Variants in SLMAP observed in about 807,000 individuals in gnomAD.
The protein encoded by SLMAP is sarcolemmal membrane-associated protein.
SLMAP carries 44 observed loss-of-function variants against 128.8 expected under a neutral mutation model. That is an observed-to-expected ratio of 0.34 (90% CI 0.27 to 0.44). The LOEUF is 0.44. SLMAP is among the 20% of genes least tolerant of loss of function. The probability of loss-of-function intolerance (pLI) is 1.00; values close to 1 mark genes in which losing one functional copy is unlikely to be tolerated. For synonymous variants in SLMAP, 327 were observed against 348.8 expected (o/e 0.94, Z 0.70); for missense variants, 787 against 985.3 (o/e 0.80, Z 2.69).
chr3:57,756,495 G>A (rs2077722967), intron 1 of SLMAP, 53 bp from the exon 2 acceptor site: 1 of 152,788 alleles, frequency 6.5e-6, no homozygotes, highest in Admixed American at 6.5e-5. Context: ...GACGGCTGAG[G>A]CGGGCGGGCT....
intron 10 of SLMAP, among the ~76,000 whole-genome samples, 160 bp from the exon 11 acceptor site, chr3:57,864,388 A>G (rs983061983): frequency 6.6e-6 from 1 of 152,108 alleles, no homozygotes; most frequent in Non-Finnish European, 1.5e-5. Flanking sequence ...AAAAAAAAAG[A>G]AAGAAAGAAA....
At chr3:57,894,500 C>T (rs1187461387) in intron 15 of SLMAP, among the ~76,000 whole-genome samples, 2 of 152,084 alleles carry the variant, frequency 1.3e-5, no homozygotes, top group Non-Finnish European at 2.9e-5. Flanking sequence ...AGTGGGCATG[C>T]ATGTACAAAC....
intron 15 of SLMAP, 87 bp from the exon 16 acceptor site, chr3:57,896,424 A>T: frequency 6.9e-7 from 1 of 1,452,888 alleles, no homozygotes; most frequent in South Asian, 1.5e-5. Flanking sequence ...GTACCTGTAG[A>T]TTTTGAGCAT....
intron 5 of SLMAP, among the ~76,000 whole-genome samples, chr3:57,849,427 A>G (rs1011962940): frequency 6.6e-6 from 1 of 152,164 alleles, no homozygotes; most frequent in Non-Finnish European, 1.5e-5. Context: ...TGCCCTACCT[A>G]TACCACATAA....
intron 14 of SLMAP, among the ~76,000 whole-genome samples, chr3:57,887,011 A>C (rs187321196): frequency 1.3e-4 from 20 of 152,192 alleles, no homozygotes. Context: ...AACATAGTGA[A>C]TATACTAAAT....
chr3:57,857,673 C>A, intron 6 of SLMAP, 60 bp from the exon 7 acceptor site: 1 of 1,071,332 alleles, frequency 9.3e-7, no homozygotes, highest in South Asian at 1.3e-5. Context: ...GAAAATTGAT[C>A]ACTCCTCAAA....
chr3:57,897,716 A>C (rs2096274993), intron 17 of SLMAP: 1 of 152,164 alleles, frequency 6.6e-6, no homozygotes, highest in South Asian at 2.1e-4. Context: ...GAAAAAAAGA[A>C]AGAAATTTTA....
At chr3:57,825,341 TTTACTA>T (rs1314859226) in intron 2 of SLMAP, among the ~76,000 whole-genome samples, 5 of 152,246 alleles carry the variant, frequency 3.3e-5, no homozygotes, top group African/African-American at 1.2e-4. Context: ...CTTTCAGTCT[TTTACTA>T]TTGAGTATTA....
At chr3:57,912,350 G>T in intron 19 of SLMAP, 31 bp from the exon 20 acceptor site, 1 of 1,577,706 alleles carries the variant, frequency 6.3e-7, no homozygotes, top group South Asian at 1.1e-5. Flanking sequence ...TATTCTAATG[G>T]GCCAAGAAAA....
chr3:57,800,916 C>T (rs2088145572), intron 2 of SLMAP: 1 of 222,540 alleles, frequency 4.5e-6, no homozygotes, highest in South Asian at 8.4e-5. Context: ...TCCCAGGAGA[C>T]CTGAGCTCTG....
At chr3:57,919,822 A>G (rs930332076) in intron 22 of SLMAP, among the ~76,000 whole-genome samples, 1 of 151,950 alleles carries the variant, frequency 6.6e-6, no homozygotes, top group Non-Finnish European at 1.5e-5. Context: ...TTCCTAAAAC[A>G]TTGAGCACAC....
intron 24 of SLMAP, chr3:57,926,237 G>A (rs1395224733): frequency 1.6e-5 from 5 of 308,800 alleles, no homozygotes. Flanking sequence ...ATGAATTTCT[G>A]CAATATTAGT....
intron 2 of SLMAP, among the ~76,000 whole-genome samples, chr3:57,811,780 A>G (rs1181203581): frequency 6.6e-6 from 1 of 152,074 alleles, no homozygotes; most frequent in Non-Finnish European, 1.5e-5. Context: ...AGCTATCCTA[A>G]TGGGTGTGAA....
At chr3:57,827,334 T>C (rs1014774971) in intron 2 of SLMAP, among the ~76,000 whole-genome samples, 2 of 152,240 alleles carry the variant, frequency 1.3e-5, no homozygotes, top group Non-Finnish European at 2.9e-5. Context: ...AAAATGTATG[T>C]ATTTATGGAA....
intron 5 of SLMAP, among the ~76,000 whole-genome samples, chr3:57,848,251 TCTC>T (rs1165395635): frequency 3.9e-4 from 58 of 149,688 alleles, no homozygotes; most frequent in African/African-American, 1.0e-3. Context: ...TTCTCCTTCT[TCTC>T]CTCCTCCTCC....
intron 17 of SLMAP, among the ~76,000 whole-genome samples, chr3:57,904,287 A>G (rs915768880): frequency 6.6e-6 from 1 of 152,170 alleles, no homozygotes; most frequent in Admixed American, 6.5e-5. Flanking sequence ...AGCCAGGCAC[A>G]GAGGTACATG....
At chr3:57,821,887 A>G (rs973652106) in intron 2 of SLMAP, among the ~76,000 whole-genome samples, 4 of 151,408 alleles carry the variant, frequency 2.6e-5, no homozygotes, top group Admixed American at 1.3e-4. Context: ...GGCCTTAGCT[A>G]TATATAAATT....
intron 15 of SLMAP, among the ~76,000 whole-genome samples, chr3:57,895,459 C>T (rs1349141321): frequency 2.0e-5 from 3 of 151,988 alleles, no homozygotes; most frequent in Non-Finnish European, 4.4e-5. Context: ...CTCAGCCTCC[C>T]GAGTAGCTGG....
At chr3:57,885,534 G>C (rs1296968095) in intron 14 of SLMAP, among the ~76,000 whole-genome samples, 4 of 132,376 alleles carry the variant, frequency 3.0e-5, no homozygotes, top group South Asian at 2.6e-4. Flanking sequence ...ATTCTCCTGC[G>C]TCAGCCTACC....
Sources: gnomAD v4.1 joint callset for allele counts (sites outside exome capture counted in the v4.1 genomes callset) on GRCh38, gnomAD v4.1.1 for gene constraint, MANE v1.5 for transcripts, NCBI Gene and HGNC (gene_info 2026-07-23, HGNC 2026-07-21) for gene names.